Variants in ZNF468 observed in about 807,000 individuals in gnomAD.
ZNF468 encodes zinc finger protein ZNF468.
Under a neutral mutation model 7.2 loss-of-function variants are expected in ZNF468, and 8 were observed. That is an observed-to-expected ratio of 1.11 (90% CI 0.65 to 2.01). The LOEUF is 2.01. Ranked by LOEUF, ZNF468 falls within the 30% of genes most tolerant of loss-of-function variation. The pLI is 0.00. For synonymous variants in ZNF468, 218 were observed against 214.4 expected (o/e 1.02, Z -0.15); for missense variants, 608 against 626.5 (o/e 0.97, Z 0.31).
chr19:52,844,840 G>A (rs1218766489), intron 3 of ZNF468, among the ~76,000 whole-genome samples: 1 of 152,114 alleles, frequency 6.6e-6, no homozygotes, highest in Non-Finnish European at 1.5e-5. Context: ...CGGCCAGCCA[G>A]TCTAAGCTAT....
rs758439077 is a variant in ZNF468, at chr19:52,841,768, T to C, written c.526A>G (p.Thr176Ala). The C allele has an allele frequency of 3.0e-5, 49 of 1,614,154 alleles. No homozygotes were observed. The highest frequency in any genetic ancestry group is 2.0e-4 in the East Asian group (9 of 44,870). ...KSINNASSVS[T>A]SQRICCRPKT... ...GGCCTACAACAAATTCTTTGGGATG[T>C]TGAAACTGAGGAAGCATTGTTGATA... Residue 176 changes from threonine (T) to alanine (A), a missense_variant, in exon 4 of 4, where the codon ACA becomes GCA. Transcript: ENST00000595646.
Position 52,841,188 on chromosome 19 carries a change from G to A in ZNF468, c.1106C>T (p.Thr369Ile). The A allele has an allele frequency of 6.2e-7, 1 of 1,613,100 alleles. No individual in the cohort carries two copies. The highest frequency in any genetic ancestry group is 8.5e-7 in the Non-Finnish European group (1 of 1,179,492). Residue 369 changes from threonine (T) to isoleucine (I), a missense_variant, in exon 4 of 4, where the codon ACC becomes ATC. Physicochemically the swap from Thr to Ile is moderately conservative, Grantham distance 89 (BLOSUM62 -1). Coordinates refer to ENST00000595646, the MANE Select transcript of ZNF468 (RefSeq NM_001008801.2). ...ECGKVFNRLS[T>I]LARHHRLHTG... ...ATGAAGTCTATGATGGCGTGCAAGG[G>A]TTGATAGTCGATTAAAAACTTTGCC...
At chr19:52,851,932 G>GTGTA (rs972508053) in intron 2 of ZNF468, among the ~76,000 whole-genome samples, 7 of 152,026 alleles carry the variant, frequency 4.6e-5, no homozygotes, top group Admixed American at 1.3e-4. Context: ...ATAGATGTGT[G>GTGTA]TGTATGTATG....
At position 52,840,247 on chromosome 19, in the gene ZNF468, G is replaced by C. The variant is rs972399358; in HGVS notation, c.*478C>G. On this transcript the variant is annotated 3_prime_UTR_variant, in exon 4 of 4. Coordinates refer to ENST00000595646, the MANE Select transcript of ZNF468 (RefSeq NM_001008801.2). Reference sequence around the variant, plus strand: ...TGAAGTCTATGATGACTTGCAAGGTGTGATTGTTGATTAAAAACCATGTCA... The same window carrying C: ...TGAAGTCTATGATGACTTGCAAGGTCTGATTGTTGATTAAAAACCATGTCA... The C allele has an allele frequency of 2.5e-6, 1 of 399,244 alleles. No individual in the cohort carries two copies. Among genetic ancestry groups the C allele is most frequent in the African/African-American group, 2.1e-5 (1 of 48,066 alleles). 24.7% of individuals were successfully genotyped at this position (399,244 alleles called of 1,614,324 possible).
intron 2 of ZNF468, among the ~76,000 whole-genome samples, chr19:52,851,893 T>C (rs181757383): frequency 6.6e-6 from 1 of 152,130 alleles, no homozygotes; most frequent in African/African-American, 2.4e-5. Flanking sequence ...TTTCAAAATA[T>C]ATGTGTTTGT....
rs768705297 is a variant in ZNF468, at chr19:52,841,375, CTT to C, written c.917_918del (p.Lys306SerfsTer9). 4 of 1,614,020 alleles carry C rather than the reference CTT, an allele frequency of 2.5e-6. No homozygotes were observed. Among genetic ancestry groups the C allele is most frequent in the Non-Finnish European group, 2.5e-6 (3 of 1,179,972 alleles). ...TCAAGGTGTGATTTGCGACTGAAAA[CTT>C]TGTCACATTCTTCACATTCATAAGG... ...EKPYECEECD[K>X]VFSRKSHLER... On this transcript the variant is annotated frameshift_variant, in exon 4 of 4. Transcript: ENST00000595646. LOFTEE classifies it low-confidence loss of function (END_TRUNC).
intron 1 of ZNF468, among the ~76,000 whole-genome samples, chr19:52,857,354 T>C (rs1287975709): frequency 6.6e-6 from 1 of 152,218 alleles, no homozygotes; most frequent in Non-Finnish European, 1.5e-5. Context: ...AACGTATACA[T>C]TGCCCTATGG....
intron 1 of ZNF468, among the ~76,000 whole-genome samples, chr19:52,854,722 C>T (rs996097351): frequency 1.3e-5 from 2 of 152,116 alleles, no homozygotes; most frequent in Non-Finnish European, 2.9e-5. Flanking sequence ...AAGCCTGTCT[C>T]TACTAAAAAT....
chr19:52,840,894 T>A lies in ZNF468; in HGVS notation c.1400A>T (p.Tyr467Phe). The A allele has an allele frequency of 6.2e-7, 1 of 1,614,030 alleles. No individual in the cohort carries two copies. Among genetic ancestry groups the A allele is most frequent in the South Asian group, 1.1e-5 (1 of 91,064 alleles). The change falls in exon 4 of 4, where the codon TAC (tyrosine) becomes TTC (phenylalanine). Residue 467 changes from tyrosine to phenylalanine, a missense_variant. Transcript: ENST00000595646. ...HQRVHTGEKP[Y>F]KCNECGKTFG... ...GGTCTTGCCACACTCATTACACTTG[T>A]AAGGTTTCTCTCCAGTATGAACTCT...
intron 1 of ZNF468, among the ~76,000 whole-genome samples, chr19:52,857,303 A>G (rs902541426): frequency 1.3e-5 from 2 of 152,196 alleles, no homozygotes; most frequent in African/African-American, 4.8e-5. Context: ...GTGCGGAAGG[A>G]GTCAAAAAAC....
At position 52,843,792 on chromosome 19, in the gene ZNF468, T is replaced by A. The variant is rs528279006; in HGVS notation, c.143-1641A>T. 2.4e-4 allele frequency among the ~76,000 whole-genome samples: 37 copies of A among 152,250 alleles called. 1 individual carries two copies. The highest frequency in any genetic ancestry group is 2.2e-3 in the Admixed American group (34 of 15,290). On this transcript the variant is annotated intron_variant, in intron 3 of 3. Coordinates refer to ENST00000595646, the MANE Select transcript of ZNF468 (RefSeq NM_001008801.2). ...GTTAAGATCACTACCTTCTGATATATGAGGTCAAGAAAATACACAGCTTTA... is the reference window on the plus strand; with the variant it reads ...GTTAAGATCACTACCTTCTGATATAAGAGGTCAAGAAAATACACAGCTTTA...
At chr19:52,844,369 C>T (rs1398695893) in intron 3 of ZNF468, among the ~76,000 whole-genome samples, 1 of 152,116 alleles carries the variant, frequency 6.6e-6, no homozygotes, top group Non-Finnish European at 1.5e-5. Flanking sequence ...CACCAGGAAG[C>T]AATTTGGCTG....
chr19:52,847,846 A>C (rs893084618), intron 3 of ZNF468, among the ~76,000 whole-genome samples: 1 of 152,142 alleles, frequency 6.6e-6, no homozygotes, highest in African/African-American at 2.4e-5. Context: ...TTGCTAAGAT[A>C]GTAAAAATAA....
Position 52,841,661 on chromosome 19 carries a change from T to C in ZNF468, c.633A>G (p.Arg211=). The change falls in exon 4 of 4, where the codon AGA becomes AGG. Residue 211 remains arginine, a synonymous_variant. Transcript: ENST00000595646. ...LLTQKWEVHM[R]EKSFECIQSF... is the part of the protein sequence containing the mutation. ...TCTGTATACATTCAAAAGATTTTTC[T>C]CTCATGTGTACTTCCCATTTTTGTG... The C allele has an allele frequency of 1.2e-6, 2 of 1,614,092 alleles. No individual in the cohort carries two copies. Among genetic ancestry groups the C allele is most frequent in the Non-Finnish European group, 1.7e-6 (2 of 1,180,028 alleles).
chr19:52,840,097 G>A lies in ZNF468; in HGVS notation c.*628C>T. ...TGCCACGTGTGAATCATTCCCGAAA[G>A]CCTTGTCACAAACCTTACATTTCTA... is the stretch of plus-strand genomic sequence containing the variant. On this transcript the variant is annotated 3_prime_UTR_variant, in exon 4 of 4. Coordinates refer to ENST00000595646, the MANE Select transcript of ZNF468 (RefSeq NM_001008801.2). 1 of 762,804 alleles carries A rather than the reference G, an allele frequency of 1.3e-6. No homozygotes were observed. The highest frequency in any genetic ancestry group is 1.8e-5 in the African/African-American group (1 of 55,176). 47.3% of individuals were successfully genotyped at this position (762,804 alleles called of 1,614,324 possible). A position where few individuals can be genotyped will look rare whatever the true frequency, so the allele number is the denominator to read the frequency against.
chr19:52,838,847 A>C lies in ZNF468; in HGVS notation c.*1878T>G, dbSNP rs1459879737. ...AATGATTAAAAACATGTATAAATAG[A>C]TATAAATCCCATACTGATTGGAAAA... On this transcript the variant is annotated 3_prime_UTR_variant, in exon 4 of 4. Transcript: ENST00000595646. 1 of 152,174 alleles carries C rather than the reference A, an allele frequency of 6.6e-6. No homozygotes were observed. Among genetic ancestry groups the C allele is most frequent in the Non-Finnish European group, 1.5e-5 (1 of 68,034 alleles). 9.4% of individuals were successfully genotyped at this position (152,174 alleles called of 1,614,324 possible). A position where few individuals can be genotyped will look rare whatever the true frequency, so the allele number is the denominator to read the frequency against.
intron 1 of ZNF468, among the ~76,000 whole-genome samples, chr19:52,856,461 G>C (rs56905047): frequency 1.1e-4 from 13 of 120,760 alleles, no homozygotes; most frequent in East Asian, 2.4e-4. Flanking sequence ...ATAGATTTCT[G>C]CCTCTTCTCC....
At chr19:52,849,835 G>A (rs1184626027) in intron 2 of ZNF468, among the ~76,000 whole-genome samples, 3 of 152,036 alleles carry the variant, frequency 2.0e-5, no homozygotes, top group African/African-American at 7.2e-5. Flanking sequence ...CCCTGAGGGT[G>A]GAGGTTGCAG....
chr19:52,856,538 A>G (rs61462673), intron 1 of ZNF468, among the ~76,000 whole-genome samples: 31,880 of 96,946 alleles, frequency 0.33, 4,982 homozygotes, highest in Admixed American at 0.4. Flanking sequence ...CCTGGACCCA[A>G]TCTGGCACCC....
Sources: gnomAD v4.1 joint callset for allele counts (sites outside exome capture counted in the v4.1 genomes callset) on GRCh38, gnomAD v4.1.1 for gene constraint, MANE v1.5 for transcripts, NCBI Gene and HGNC (gene_info 2026-07-23, HGNC 2026-07-21) for gene names.